The following BTBD18 variants were observed in gnomAD, a reference collection of about 807,000 sequenced individuals.
BTBD18 encodes the protein BTB domain containing 18, also known as BTB/POZ domain-containing protein 18.
For synonymous variants in BTBD18, 311 were observed against 324.4 expected (o/e 0.96, Z 0.44); for missense variants, 787 against 846.3 (o/e 0.93, Z 0.87).
intron 2 of BTBD18, among the ~76,000 whole-genome samples, chr11:57,747,182 A>G (rs982233422): frequency 2.6e-5 from 4 of 152,224 alleles, no homozygotes; most frequent in African/African-American, 9.6e-5. Context: ...TTTAATGGGT[A>G]CTTCCCAGGC....
chr11:57,750,094 C>A (rs1416601476), intron 2 of BTBD18, among the ~76,000 whole-genome samples: 2 of 152,260 alleles, frequency 1.3e-5, no homozygotes, highest in Non-Finnish European at 2.9e-5. Flanking sequence ...ATAAATTAAG[C>A]AGGCCGGGCA....
chr11:57,752,752 G>A (rs1949339520), upstream of BTBD18, among the ~76,000 whole-genome samples: 2 of 152,236 alleles, frequency 1.3e-5, no homozygotes, highest in Non-Finnish European at 2.9e-5. Context: ...TCAGGAGGCT[G>A]AGCAAAGATG....
chr11:57,744,616 C>T lies in BTBD18; in HGVS notation c.1657G>A (p.Glu553Lys), dbSNP rs1027994578. The T allele has an allele frequency of 3.9e-6, 6 of 1,551,548 alleles. No individual in the cohort carries two copies. In the African/African-American group the frequency reaches 4.1e-5, roughly 11 times the overall value. Residue 553 changes from glutamate to lysine, a missense_variant, in exon 3 of 3, where the codon GAG becomes AAG. Physicochemically the swap from Glu to Lys is moderately conservative, Grantham distance 56 (BLOSUM62 1). Coordinates refer to ENST00000422652, the MANE Select transcript of BTBD18 (RefSeq NM_001145101.3). ...GGTTCCTTTTCCAATTCTGTGAGCT[C>T]CCTGGGCCAGAGTTCCATGTCTGGT... is the stretch of plus-strand genomic sequence containing the variant. Reference protein sequence around the residue: ...CLPDMELWPRELTELEKEPAG... With the variant: ...CLPDMELWPRKLTELEKEPAG...
Position 57,745,755 on chromosome 11 carries a change from G to T in BTBD18, c.518C>A (p.Pro173His). Residue 173 changes from proline to histidine, a missense_variant, in exon 3 of 3, where the codon CCT (proline) becomes CAT (histidine). Coordinates refer to ENST00000422652, the MANE Select transcript of BTBD18 (RefSeq NM_001145101.3). Reference protein sequence around the residue: ...PHTPLPTNQTPCPLGAIRLKS... With the variant: ...PHTPLPTNQTHCPLGAIRLKS... ...CAATCTTATTGCCCCAAGAGGACAA[G>T]GAGTTTGATTAGTGGGCAGTGGGGT... 1 of 1,551,650 alleles carries T rather than the reference G, an allele frequency of 6.4e-7. No homozygotes were observed. The highest frequency in any genetic ancestry group is 8.7e-7 in the Non-Finnish European group (1 of 1,146,960).
chr11:57,752,116 A>C (rs913862185), upstream of BTBD18, among the ~76,000 whole-genome samples: 7 of 151,322 alleles, frequency 4.6e-5, no homozygotes, highest in African/African-American at 1.7e-4. Flanking sequence ...TAGCTCCGAA[A>C]CCCCCCCACT....
chr11:57,746,131 G>A lies in BTBD18; in HGVS notation c.142C>T (p.His48Tyr). 1 of 1,546,522 alleles carries A rather than the reference G, an allele frequency of 6.5e-7. No individual in the cohort carries two copies. Among genetic ancestry groups the A allele is most frequent in the Non-Finnish European group, 8.7e-7 (1 of 1,144,594 alleles). The change falls in exon 3 of 3, where the codon CAC becomes TAC. Residue 48 changes from histidine (H) to tyrosine (Y), a missense_variant. By Grantham distance (83) the His-to-Tyr change is moderately conservative (BLOSUM62 2). Coordinates refer to ENST00000422652, the MANE Select transcript of BTBD18 (RefSeq NM_001145101.3). ...LQAEGEAVPA[H>Y]CCILSACSPF... ...CTACAAGCTGACAGGATGCAGCAGT[G>A]AGCTGGAACTGCCTCACCTGAAGGG...
rs780304718 is a variant in BTBD18, at chr11:57,746,041, G to T, written c.232C>A (p.Leu78Met). 1 of 1,551,656 alleles carries T rather than the reference G, an allele frequency of 6.4e-7. No homozygotes were observed. Among genetic ancestry groups the T allele is most frequent in the South Asian group, 1.2e-5 (1 of 84,064 alleles). ...PAQGGKVVLE[L>M]GGLKISTLRK... is the part of the protein sequence containing the mutation. ...AGTGTGCTGATCTTCAGGCCACCCAGCTCTAGCACCACCTTCCCACCCTGA... is the reference window on the plus strand; with the variant it reads ...AGTGTGCTGATCTTCAGGCCACCCATCTCTAGCACCACCTTCCCACCCTGA... Residue 78 changes from leucine to methionine, a missense_variant, in exon 3 of 3, where the codon CTG (leucine) becomes ATG (methionine). Coordinates refer to ENST00000422652, the MANE Select transcript of BTBD18 (RefSeq NM_001145101.3).
chr11:57,743,844 G>T lies in BTBD18; in HGVS notation c.*290C>A. Reference sequence around the variant, plus strand: ...TTATGACCTGAGAGATCTGGCCTTGGCTGTTACCTATGACCCACCAGAATT... The same window carrying T: ...TTATGACCTGAGAGATCTGGCCTTGTCTGTTACCTATGACCCACCAGAATT... On this transcript the variant is annotated 3_prime_UTR_variant, in exon 3 of 3. Transcript: ENST00000422652. 3.5e-6 allele frequency: 1 copy of T among 283,258 alleles called. No homozygotes were observed. Among genetic ancestry groups the T allele is most frequent in the Non-Finnish European group, 6.7e-6 (1 of 150,216 alleles). The allele number at this position is 283,258 out of a possible 1,614,324, so 17.5% of individuals were successfully genotyped here.
At position 57,744,595 on chromosome 11, in the gene BTBD18, C is replaced by G. The variant is rs757462127; in HGVS notation, c.1678G>C (p.Glu560Gln). The change falls in exon 3 of 3, where the codon GAA becomes CAA. Residue 560 changes from glutamate to glutamine, a missense_variant. Coordinates refer to ENST00000422652, the MANE Select transcript of BTBD18 (RefSeq NM_001145101.3). ...GGCCCTCTGTTCTCACCAGCAGGTTCCTTTTCCAATTCTGTGAGCTCCCTG... is the reference window on the plus strand; with the variant it reads ...GGCCCTCTGTTCTCACCAGCAGGTTGCTTTTCCAATTCTGTGAGCTCCCTG... ...WPRELTELEK[E>Q]PAGENRGPTE... The G allele has an allele frequency of 7.1e-6, 11 of 1,551,714 alleles. No homozygotes were observed. Among genetic ancestry groups the G allele is most frequent in the Non-Finnish European group, 9.6e-6 (11 of 1,146,998 alleles).
upstream of BTBD18, among the ~76,000 whole-genome samples, chr11:57,751,955 G>A (rs1286895657): frequency 6.6e-6 from 1 of 152,126 alleles, no homozygotes; most frequent in East Asian, 1.9e-4. Context: ...TGACCAAAGC[G>A]AGCCTGACTG....
chr11:57,746,236 CCTT>C, intron 2 of BTBD18, 88 bp from the exon 3 acceptor site: 6 of 1,034,898 alleles, frequency 5.8e-6, no homozygotes, highest in Middle Eastern at 2.2e-4. Context: ...ATGTACTGCC[CCTT>C]CTTTTATTTT....
At position 57,744,968 on chromosome 11, in the gene BTBD18, G is replaced by C. The variant is rs1029752492; in HGVS notation, c.1305C>G (p.His435Gln). Residue 435 changes from histidine (H) to glutamine (Q), a missense_variant, in exon 3 of 3, where the codon CAC (histidine) becomes CAG (glutamine). His to Gln is a conservative substitution (Grantham distance 24). Coordinates refer to ENST00000422652, the MANE Select transcript of BTBD18 (RefSeq NM_001145101.3). ...ACTTCACCACTGGGTGGTCTGGGGA[G>C]TGGCTAGCAGAGACCAGAATGTCTT... Reference protein sequence around the residue: ...KLQDILVSASHSPDHPVVKSE... With the variant: ...KLQDILVSASQSPDHPVVKSE... 1.3e-6 allele frequency: 2 copies of C among 1,551,660 alleles called. No individual in the cohort carries two copies. Among genetic ancestry groups the C allele is most frequent in the Admixed American group, 2.0e-5 (1 of 50,998 alleles).
At position 57,744,620 on chromosome 11, in the gene BTBD18, G is replaced by A. The variant is rs1186421225; in HGVS notation, c.1653C>T (p.Pro551=). The A allele has an allele frequency of 6.4e-7, 1 of 1,551,648 alleles. No individual in the cohort carries two copies. The highest frequency in any genetic ancestry group is 2.0e-5 in the Admixed American group (1 of 51,006). The stretch of plus-strand genomic sequence containing the variant: ...CCTTTTCCAATTCTGTGAGCTCCCT[G>A]GGCCAGAGTTCCATGTCTGGTAGAC... ...EWCLPDMELW[P]RELTELEKEP... Residue 551 remains proline, a synonymous_variant, in exon 3 of 3, where the codon CCC becomes CCT. Coordinates refer to ENST00000422652, the MANE Select transcript of BTBD18 (RefSeq NM_001145101.3).
In BTBD18 at chr11:57,745,170, C is replaced by T; in HGVS notation, c.1103G>A (p.Cys368Tyr). 1.3e-6 allele frequency: 2 copies of T among 1,551,696 alleles called. No individual in the cohort carries two copies. Among genetic ancestry groups the T allele is most frequent in the Non-Finnish European group, 1.7e-6 (2 of 1,147,000 alleles). The change falls in exon 3 of 3, where the codon TGC becomes TAC. Residue 368 changes from cysteine (C) to tyrosine (Y), a missense_variant. Coordinates refer to ENST00000422652, the MANE Select transcript of BTBD18 (RefSeq NM_001145101.3). ...AGGAGTCTCTTGTACCACTTCCCAG[C>T]AAGTCCCATTGACAATCTTCCTAAG... ...VKLRKIVNGT[C>Y]WEVVQETPLK...
intron 2 of BTBD18, among the ~76,000 whole-genome samples, chr11:57,750,145 A>G (rs1411700179): frequency 6.6e-6 from 1 of 152,190 alleles, no homozygotes; most frequent in Non-Finnish European, 1.5e-5. Context: ...TGGGAGGCTG[A>G]GGCAGGTGAA....
rs777603099 is a variant in BTBD18, at chr11:57,744,426, A to G, written c.1847T>C (p.Leu616Pro). The change falls in exon 3 of 3, where the codon CTT becomes CCT. Residue 616 changes from leucine to proline, a missense_variant. By Grantham distance (98) the Leu-to-Pro change is moderately conservative. Coordinates refer to ENST00000422652, the MANE Select transcript of BTBD18 (RefSeq NM_001145101.3). ...CCCATAAGACCTCTGGGGAGTATCA[A>G]GGGAGCTGACATGGAGAAGTTTGTC... ...QEDKLLHVSS[L>P]DTPQRSYGDL... 70 of 1,551,550 alleles carry G rather than the reference A, an allele frequency of 4.5e-5. No individual in the cohort carries two copies. The highest frequency in any genetic ancestry group is 5.9e-5 in the Non-Finnish European group (68 of 1,146,986).
chr11:57,751,196 A>G lies in BTBD18; in HGVS notation c.-8T>C, dbSNP rs1029622579. 2.1e-5 allele frequency: 33 copies of G among 1,536,718 alleles called. No homozygotes were observed. Among genetic ancestry groups the G allele is most frequent in the African/African-American group, 1.9e-4 (14 of 72,410 alleles). On this transcript the variant is annotated 5_prime_UTR_variant, in exon 2 of 3. Coordinates refer to ENST00000422652, the MANE Select transcript of BTBD18 (RefSeq NM_001145101.3). Reference sequence around the variant, plus strand: ...ACTGGCAGGAGAGCACATGTTGGCAAGAGTCTTAACAAACCTTCTAGGTTT... The same window carrying G: ...ACTGGCAGGAGAGCACATGTTGGCAGGAGTCTTAACAAACCTTCTAGGTTT...
Position 57,745,146 on chromosome 11 carries a change from G to T in BTBD18, c.1127C>A (p.Pro376His). 6.4e-7 allele frequency: 1 copy of T among 1,551,640 alleles called. No homozygotes were observed. Among genetic ancestry groups the T allele is most frequent in the East Asian group, 2.4e-5 (1 of 40,922 alleles). ...GGGGCTATCTTGAGTGTTTTTGAGA[G>T]GAGTCTCTTGTACCACTTCCCAGCA... is the stretch of plus-strand genomic sequence containing the variant. ...GTCWEVVQET[P>H]LKNTQDSPQI... The change falls in exon 3 of 3, where the codon CCT becomes CAT. Residue 376 changes from proline to histidine, a missense_variant. Transcript: ENST00000422652.
Position 57,743,966 on chromosome 11 carries a change from C to T in BTBD18, c.*168G>A. The T allele has an allele frequency of 3.5e-6, 2 of 569,330 alleles. No homozygotes were observed. 35.3% of individuals were successfully genotyped at this position (569,330 alleles called of 1,614,324 possible). ...AATTTTCTATCTATGGTACCCTTGG[C>T]TTCTGCCTGGCTTCTGAGGCTTAGG... On this transcript the variant is annotated 3_prime_UTR_variant, in exon 3 of 3. Transcript: ENST00000422652.
Sources: gnomAD v4.1 joint callset for allele counts (sites outside exome capture counted in the v4.1 genomes callset) on GRCh38, gnomAD v4.1.1 for gene constraint, MANE v1.5 for transcripts, NCBI Gene and HGNC (gene_info 2026-07-23, HGNC 2026-07-21) for gene names.